The following SMOC2 variants were observed in gnomAD, a reference collection of about 807,000 sequenced individuals.
SMOC2 encodes SPARC related modular calcium binding 2.
SMOC2 carries 39 observed loss-of-function variants against 61.4 expected under a neutral mutation model. The observed-to-expected ratio is 0.64, with a 90% CI of 0.49 to 0.83. The LOEUF (loss-of-function observed/expected upper bound fraction) is 0.83, where lower values mean the gene tolerates loss of function less well. Among genes scored for constraint, SMOC2 ranks in the 40% least tolerant of loss-of-function variants. SMOC2 has a pLI of 0.00. For missense variants in SMOC2, 556 were observed against 592.9 expected (o/e 0.94, Z 0.65); for synonymous variants, 247 against 239.9 (o/e 1.03, Z -0.27).
At chr6:168,515,792 C>T (rs1349950801) in intron 2 of SMOC2, among the ~76,000 whole-genome samples, 3 of 152,224 alleles carry the variant, frequency 2.0e-5, no homozygotes, top group Non-Finnish European at 2.9e-5. Flanking sequence ...AGAACAGACA[C>T]GGGGCTTGGT....
At chr6:168,448,162 G>A (rs1407958213) in intron 1 of SMOC2, among the ~76,000 whole-genome samples, 1 of 152,196 alleles carries the variant, frequency 6.6e-6, no homozygotes, top group Non-Finnish European at 1.5e-5. Flanking sequence ...TGAGGGCTGA[G>A]TTGTGAAGGA....
Position 168,535,379 on chromosome 6 carries a change from C to A in SMOC2, c.463+7652C>A, listed in dbSNP as rs1783707947. ...CACCTTTTTTCACTATATGCAGCTACAACAGTTAAATGTTGCAAAGATTTA... is the reference window on the plus strand; with the variant it reads ...CACCTTTTTTCACTATATGCAGCTAAAACAGTTAAATGTTGCAAAGATTTA... On this transcript the variant is annotated intron_variant, in intron 4 of 12. Transcript: ENST00000356284. The surrounding 1 kb of genome is among the most constrained non-coding windows in gnomAD (Gnocchi z 4.6). Among the ~76,000 whole-genome samples the A allele has an allele frequency of 6.6e-6, 1 of 152,156 alleles. No homozygotes were observed. Among genetic ancestry groups the A allele is most frequent in the African/African-American group, 2.4e-5 (1 of 41,434 alleles).
intron 1 of SMOC2, among the ~76,000 whole-genome samples, chr6:168,488,812 G>A (rs1034304981): frequency 1.3e-4 from 19 of 150,726 alleles, no homozygotes; most frequent in African/African-American, 4.4e-4. Flanking sequence ...CTGTTTTAGA[G>A]GGAAATATAT....
Position 168,452,635 on chromosome 6 carries a change from A to G in SMOC2, c.84+11181A>G, listed in dbSNP as rs1387959722. Among the ~76,000 whole-genome samples the G allele has an allele frequency of 6.6e-6, 1 of 152,220 alleles. No homozygotes were observed. The highest frequency in any genetic ancestry group is 1.5e-5 in the Non-Finnish European group (1 of 68,038). ...TCTGTGCTCAGATATTCAAAACACC[A>G]CTTGCATTTTTTTGTACCCCAAAAT... On this transcript the variant is annotated intron_variant, in intron 1 of 12. Coordinates refer to ENST00000356284, the MANE Select transcript of SMOC2 (RefSeq NM_001166412.2). The surrounding 1 kb of genome is among the most constrained non-coding windows in gnomAD (Gnocchi z 5.0).
chr6:168,600,507 C>T (rs556386656), intron 8 of SMOC2, among the ~76,000 whole-genome samples: 57 of 151,834 alleles, frequency 3.8e-4, no homozygotes, highest in African/African-American at 8.0e-4. Context: ...CAAAAGCACC[C>T]GAGTGGCAGC....
At chr6:168,527,817 T>G in intron 4 of SMOC2, 90 bp downstream of exon 4, 1 of 916,410 alleles carries the variant, frequency 1.1e-6, no homozygotes, top group Admixed American at 2.0e-5. Context: ...TACTGATAAT[T>G]CAAAGGGAAA....
intron 9 of SMOC2, among the ~76,000 whole-genome samples, chr6:168,616,035 C>T (rs908270365): frequency 2.0e-5 from 3 of 152,172 alleles, no homozygotes; most frequent in African/African-American, 4.8e-5. Flanking sequence ...GTAAGGACCT[C>T]GGTGTTTACC....
intron 1 of SMOC2, among the ~76,000 whole-genome samples, chr6:168,462,914 G>A (rs563196867): frequency 1.3e-5 from 2 of 152,292 alleles, no homozygotes; most frequent in East Asian, 3.9e-4. Flanking sequence ...ATGGTGAGAG[G>A]AGCTGACATT....
chr6:168,652,849 C>A lies in SMOC2; in HGVS notation c.1011-105C>A. ...AGTGCTGCAGGCTGAGACACCAGGA[C>A]CATGAGAACTACAAGCAGGGGTTAT... is the stretch of plus-strand genomic sequence containing the variant. On this transcript the variant is annotated intron_variant, in intron 10 of 12. Transcript: ENST00000356284. 6.2e-6 allele frequency: 6 copies of A among 964,326 alleles called. No individual in the cohort carries two copies. The Admixed American group carries it at 9.3e-5, about 15-fold the overall frequency. 59.7% of individuals were successfully genotyped at this position (964,326 alleles called of 1,614,324 possible). A position where few individuals can be genotyped will look rare whatever the true frequency, so the allele number is the denominator to read the frequency against.
intron 1 of SMOC2, among the ~76,000 whole-genome samples, chr6:168,501,020 A>G (rs940731748): frequency 1.3e-5 from 2 of 152,186 alleles, no homozygotes; most frequent in African/African-American, 4.8e-5. Context: ...ACAGTATTTC[A>G]TAGGGGACTT....
rs1000571767 is a variant in SMOC2 at position 168,527,691 on chromosome 6, G to A, written c.427G>A (p.Gly143Ser). The A allele has an allele frequency of 9.7e-6, 15 of 1,552,128 alleles. No individual in the cohort carries two copies. Among genetic ancestry groups the A allele is most frequent in the East Asian group, 2.4e-5 (1 of 41,098 alleles). The change falls in exon 4 of 13, where the codon GGC (glycine) becomes AGC (serine). Residue 143 changes from glycine to serine, a missense_variant. Physicochemically the swap from Gly to Ser is moderately conservative, Grantham distance 56. Transcript: ENST00000356284. Reference sequence around the variant, plus strand: ...CACGCCCAACGGGAGGCCCATCAGCGGCACTGCCGTGGCCCACAAGACGCC... The same window carrying A: ...CACGCCCAACGGGAGGCCCATCAGCAGCACTGCCGTGGCCCACAAGACGCC... Reference protein sequence around the residue: ...CVTPNGRPISGTAVAHKTPRC... With the variant: ...CVTPNGRPISSTAVAHKTPRC...
chr6:168,562,347 G>A (rs1391892830), intron 7 of SMOC2, among the ~76,000 whole-genome samples: 3 of 137,898 alleles, frequency 2.2e-5, no homozygotes, highest in Non-Finnish European at 4.7e-5. Flanking sequence ...TGTGTTCTCG[G>A]AGGAGGTGTC....
At chr6:168,599,126 T>TCA (rs1050506202) in intron 8 of SMOC2, 122 bp downstream of exon 8, 19 of 816,630 alleles carry the variant, frequency 2.3e-5, no homozygotes, top group Admixed American at 1.1e-4. Flanking sequence ...ACACTCACAC[T>TCA]CACACACACT....
chr6:168,540,488 C>T (rs1017818842), intron 4 of SMOC2, among the ~76,000 whole-genome samples: 2 of 152,148 alleles, frequency 1.3e-5, no homozygotes, highest in Admixed American at 6.5e-5. Flanking sequence ...GGTGGGCTTT[C>T]ACCACACTGC....
chr6:168,642,254 A>G (rs183814711), intron 9 of SMOC2, among the ~76,000 whole-genome samples: 28 of 152,332 alleles, frequency 1.8e-4, no homozygotes, highest in African/African-American at 6.5e-4. Flanking sequence ...ATGGACAGAA[A>G]ACAGAAGTGA....
At chr6:168,542,098 G>A (rs150206157) in intron 4 of SMOC2, among the ~76,000 whole-genome samples, 4 of 152,210 alleles carry the variant, frequency 2.6e-5, no homozygotes, top group South Asian at 2.1e-4. Flanking sequence ...ATCATTTCCC[G>A]TCAAAAGTAG....
chr6:168,626,847 G>T (rs1209251327), intron 9 of SMOC2, among the ~76,000 whole-genome samples: 1 of 152,180 alleles, frequency 6.6e-6, no homozygotes, highest in Non-Finnish European at 1.5e-5. Context: ...ATTGTTTGTA[G>T]GCTGAAAATG....
intron 9 of SMOC2, among the ~76,000 whole-genome samples, chr6:168,648,283 G>A (rs1366752232): frequency 6.6e-6 from 1 of 152,240 alleles, no homozygotes; most frequent in Non-Finnish European, 1.5e-5. Flanking sequence ...GGTGCCCGAG[G>A]TCCTGTGGGT....
At chr6:168,527,532 C>T in intron 3 of SMOC2, 96 bp from the exon 4 acceptor site, 1 of 852,544 alleles carries the variant, frequency 1.2e-6, no homozygotes, top group South Asian at 1.5e-5. Flanking sequence ...AGGACCCTGT[C>T]TGAGCCACTG....
Sources: allele counts gnomAD v4.1 joint callset (sites outside exome capture counted in the v4.1 genomes callset), GRCh38; gene constraint gnomAD v4.1.1; non-coding constraint Gnocchi (gnomAD v3.1); transcripts MANE v1.5; gene names NCBI Gene and HGNC (gene_info 2026-07-23, HGNC 2026-07-21).